The following IGSF10 variants were observed in gnomAD, a reference collection of about 807,000 sequenced individuals.
IGSF10 encodes immunoglobulin superfamily member 10.
In IGSF10, 126 loss-of-function variants were observed where a neutral mutation model predicts 128.2. The ratio of observed to expected loss-of-function variants is 0.98; its 90% confidence interval spans 0.85 to 1.14. The LOEUF (loss-of-function observed/expected upper bound fraction) is 1.14, where lower values mean the gene tolerates loss of function less well. IGSF10 is among the 50% of genes most tolerant of loss of function. The probability of loss-of-function intolerance (pLI) is 0.00; values close to 1 mark genes in which losing one functional copy is unlikely to be tolerated. For missense variants in IGSF10, 3,295 were observed against 3,149.8 expected, an observed-to-expected ratio of 1.05 and a Z score of -1.10; for synonymous variants, 1,185 against 1,146.2, an observed-to-expected ratio of 1.03 and a Z score of -0.68.
the IGSF10 span, among the ~76,000 whole-genome samples, chr3:151,474,786 A>G: frequency 6.6e-6 from 1 of 152,182 alleles, no homozygotes; most frequent in African/African-American, 2.4e-5. Context: ...GAAGGCAAGA[A>G]GGAGCAAGTC....
the IGSF10 span, among the ~76,000 whole-genome samples, chr3:151,584,581 ATT>A: frequency 5.9e-5 from 9 of 152,192 alleles, no homozygotes; most frequent in East Asian, 1.7e-3. Flanking sequence ...GATGCACATG[ATT>A]TATCAAAGGA....
the IGSF10 span, among the ~76,000 whole-genome samples, chr3:151,574,389 C>T: frequency 1.4e-4 from 22 of 152,300 alleles, no homozygotes; most frequent in African/African-American, 5.1e-4. Context: ...CACATAGTCC[C>T]ATAATTTTTG....
At chr3:151,585,099 G>A in the IGSF10 span, among the ~76,000 whole-genome samples, 15 of 152,126 alleles carry the variant, frequency 9.9e-5, no homozygotes, top group Admixed American at 6.5e-4. Context: ...TATGATAGCC[G>A]CTAGCCACAT....
chr3:151,526,965 T>C, the IGSF10 span, among the ~76,000 whole-genome samples: 1 of 152,182 alleles, frequency 6.6e-6, no homozygotes, highest in African/African-American at 2.4e-5. Context: ...CTCCAGCGTA[T>C]GTGGGTGGAA....
chr3:151,436,828 G>A lies in IGSF10; in HGVS notation c.7733C>T (p.Thr2578Ile), dbSNP rs370383741. 2 of 1,613,992 alleles carry A rather than the reference G, an allele frequency of 1.2e-6. No individual in the cohort carries two copies. The highest frequency in any genetic ancestry group is 1.3e-5 in the African/African-American group (1 of 74,908). The change falls in exon 8 of 8, where the codon ACA (threonine) becomes ATA (isoleucine). Residue 2578 changes from threonine to isoleucine, a missense_variant. Thr to Ile is a moderately conservative substitution (Grantham distance 89). Transcript: ENST00000282466. ...SLLSTASKER[T>I]HGSEQLHLQG... Reference sequence around the variant, plus strand: ...TAAGTGAAGCTGCTCACTTCCATGTGTCCTCTCTTTACTTGCCGTTGAGAG... The same window carrying A: ...TAAGTGAAGCTGCTCACTTCCATGTATCCTCTCTTTACTTGCCGTTGAGAG...
chr3:151,589,278 T>C, the IGSF10 span, among the ~76,000 whole-genome samples: 755 of 152,318 alleles, frequency 5.0e-3, 11 homozygotes, highest in African/African-American at 0.017. Flanking sequence ...TAGAACCAAA[T>C]GGAAACTGTT....
At chr3:151,461,298 G>A (rs1307616800), upstream of IGSF10, 2 of 985,206 alleles carry the variant, frequency 2.0e-6, no homozygotes, top group Non-Finnish European at 2.4e-6. Flanking sequence ...TTTCCTCCTT[G>A]ACCTCTTCCA....
the IGSF10 span, among the ~76,000 whole-genome samples, chr3:151,487,416 G>C: frequency 2.0e-5 from 3 of 152,116 alleles, no homozygotes; most frequent in Non-Finnish European, 4.4e-5. Flanking sequence ...AGAGGAGCTG[G>C]TACCATTCCT....
At chr3:151,605,861 T>C in the IGSF10 span, among the ~76,000 whole-genome samples, 1 of 152,212 alleles carries the variant, frequency 6.6e-6, no homozygotes. Flanking sequence ...TTTCCAAAGC[T>C]TAGACTATAT....
the IGSF10 span, among the ~76,000 whole-genome samples, chr3:151,496,866 C>T: frequency 6.6e-6 from 1 of 151,956 alleles, no homozygotes; most frequent in African/African-American, 2.4e-5. Context: ...TTAATGATTG[C>T]CATTCTAACT....
the IGSF10 span, among the ~76,000 whole-genome samples, chr3:151,552,712 G>T: frequency 1.8e-3 from 274 of 152,254 alleles, 2 homozygotes; most frequent in African/African-American, 6.2e-3. Context: ...TGCTGGGAAA[G>T]AAACTATTAT....
chr3:151,463,713 C>T (rs1285873168), upstream of IGSF10, among the ~76,000 whole-genome samples: 1 of 151,474 alleles, frequency 6.6e-6, no homozygotes, highest in East Asian at 1.9e-4. Flanking sequence ...TGGCTGGGCG[C>T]AGTGGCTCAC....
chr3:151,437,478 A>G lies in IGSF10; in HGVS notation c.7083T>C (p.Val2361=). The G allele has an allele frequency of 6.2e-7, 1 of 1,614,208 alleles. No individual in the cohort carries two copies. Residue 2361 remains valine (V), a synonymous_variant, in exon 8 of 8, where the codon GTT becomes GTC. Transcript: ENST00000282466. The part of the protein sequence containing the change: ...LGKSTALNCS[V]DGNPPPEIIW... ...TTATTTCAGGTGGTGGGTTACCATC[A>G]ACAGAGCAATTCAATGCTGTGGACT... is the stretch of plus-strand genomic sequence containing the variant.
the IGSF10 span, among the ~76,000 whole-genome samples, chr3:151,501,582 G>A: frequency 6.6e-6 from 1 of 152,042 alleles, no homozygotes; most frequent in Non-Finnish European, 1.5e-5. Flanking sequence ...AGAATGTCAG[G>A]ACAGGATATC....
chr3:151,521,885 CA>C, the IGSF10 span, among the ~76,000 whole-genome samples: 1 of 151,568 alleles, frequency 6.6e-6, no homozygotes, highest in East Asian at 1.9e-4. Context: ...AACTGAGATA[CA>C]AAAAACCATT....
chr3:151,500,063 T>C, the IGSF10 span, among the ~76,000 whole-genome samples: 1 of 152,194 alleles, frequency 6.6e-6, no homozygotes, highest in Non-Finnish European at 1.5e-5. Context: ...GATCATTTAA[T>C]ATCAATGTTG....
At chr3:151,552,759 T>C in the IGSF10 span, among the ~76,000 whole-genome samples, 1 of 152,222 alleles carries the variant, frequency 6.6e-6, no homozygotes, top group Non-Finnish European at 1.5e-5. Flanking sequence ...ATACCTCTCA[T>C]AGTTCGCTTT....
chr3:151,520,398 T>C, the IGSF10 span, among the ~76,000 whole-genome samples: 1 of 151,788 alleles, frequency 6.6e-6, no homozygotes, highest in East Asian at 1.9e-4. Flanking sequence ...CTCAGACATG[T>C]AAAGCAGACA....
chr3:151,513,314 C>CA, the IGSF10 span, among the ~76,000 whole-genome samples: 5,159 of 142,060 alleles, frequency 0.036, 91 homozygotes, highest in Middle Eastern at 0.052. Context: ...GTTCAACATA[C>CA]AAAAAAAAAA....
Sources: allele counts gnomAD v4.1 joint callset (sites outside exome capture counted in the v4.1 genomes callset), GRCh38; gene constraint gnomAD v4.1.1; transcripts MANE v1.5; gene names NCBI Gene and HGNC (gene_info 2026-07-23, HGNC 2026-07-21).